Variants in SEMA3E observed in about 807,000 individuals in gnomAD.
The protein encoded by SEMA3E is semaphorin-3E.
Under a neutral mutation model 93.6 loss-of-function variants are expected in SEMA3E, and 49 were observed. The observed-to-expected ratio is 0.52, with a 90% CI of 0.42 to 0.66. The LOEUF is 0.66. Among genes scored for constraint, SEMA3E ranks in the 30% least tolerant of loss-of-function variants. The pLI is 0.00. For synonymous variants in SEMA3E, 363 were observed against 330.7 expected, an observed-to-expected ratio of 1.10 and a Z score of -1.06; for missense variants, 906 against 964.8, an observed-to-expected ratio of 0.94 and a Z score of 0.81.
At chr7:83,388,329 A>AT (rs1562757153) in intron 14 of SEMA3E, among the ~76,000 whole-genome samples, 51 of 146,978 alleles carry the variant, frequency 3.5e-4, no homozygotes, top group Non-Finnish European at 5.4e-4. Flanking sequence ...AAATAAAAAA[A>AT]AATATATATA....
intron 1 of SEMA3E, among the ~76,000 whole-genome samples, chr7:83,575,533 G>GT (rs1792381541): frequency 2.0e-5 from 3 of 151,888 alleles, no homozygotes; most frequent in Admixed American, 6.5e-5. Context: ...TAACATTTAC[G>GT]TTTTCTACCC....
chr7:83,609,552 G>A (rs1377985763), intron 1 of SEMA3E, among the ~76,000 whole-genome samples: 1 of 151,792 alleles, frequency 6.6e-6, no homozygotes, highest in Non-Finnish European at 1.5e-5. Context: ...TGTACTTTGT[G>A]TAGCTAACAA....
At chr7:83,530,220 C>A (rs1033014873) in intron 1 of SEMA3E, among the ~76,000 whole-genome samples, 1 of 151,970 alleles carries the variant, frequency 6.6e-6, no homozygotes, top group East Asian at 1.9e-4. Flanking sequence ...TTACAATAAC[C>A]CTGTGAGTAG....
At chr7:83,373,386 TTATACA>T (rs1794776059) in intron 16 of SEMA3E, among the ~76,000 whole-genome samples, 1 of 152,170 alleles carries the variant, frequency 6.6e-6, no homozygotes, top group Admixed American at 6.6e-5. Flanking sequence ...TTGACCAATT[TTATACA>T]TATACACACA....
At chr7:83,470,194 TAAG>T (rs948812704) in intron 2 of SEMA3E, among the ~76,000 whole-genome samples, 7 of 152,226 alleles carry the variant, frequency 4.6e-5, no homozygotes, top group Admixed American at 3.3e-4. Context: ...TATTCTCTGA[TAAG>T]AAGAATATAT....
At chr7:83,375,515 T>C (rs1046053898) in intron 16 of SEMA3E, among the ~76,000 whole-genome samples, 1 of 152,076 alleles carries the variant, frequency 6.6e-6, no homozygotes, top group Non-Finnish European at 1.5e-5. Flanking sequence ...AGTTCTATAC[T>C]GGGATATCTT....
intron 4 of SEMA3E, among the ~76,000 whole-genome samples, chr7:83,466,118 T>C (rs1789750012): frequency 6.6e-6 from 1 of 152,210 alleles, no homozygotes; most frequent in South Asian, 2.1e-4. Context: ...ATGTAAATTA[T>C]ATATGTACAC....
intron 4 of SEMA3E, among the ~76,000 whole-genome samples, chr7:83,444,950 C>A (rs148997669): frequency 1.3e-5 from 2 of 152,116 alleles, no homozygotes; most frequent in Non-Finnish European, 2.9e-5. Flanking sequence ...GGATTACAGG[C>A]GTGAGCCACC....
rs1212396243 is a variant in SEMA3E at position 83,486,733 on chromosome 7, T to A, written c.276+3381A>T. 2.6e-5 allele frequency among the ~76,000 whole-genome samples: 4 copies of A among 152,240 alleles called. No homozygotes were observed. In the East Asian group the frequency reaches 7.7e-4, roughly 29 times the overall value. ...ATGTTACATCAGAGCTAATGAAGCA[T>A]AACAAGCCTCAGGACTCCTTCCTGG... On this transcript the variant is annotated intron_variant, in intron 2 of 16. Coordinates refer to ENST00000643230, the MANE Select transcript of SEMA3E (RefSeq NM_012431.3).
At chr7:83,577,709 G>A (rs1184404132) in intron 1 of SEMA3E, among the ~76,000 whole-genome samples, 1 of 152,110 alleles carries the variant, frequency 6.6e-6, no homozygotes, top group African/African-American at 2.4e-5. Context: ...ATAGATGTTA[G>A]AGGTTTTAAA....
At chr7:83,426,573 C>T (rs969115486) in intron 4 of SEMA3E, among the ~76,000 whole-genome samples, 3 of 152,070 alleles carry the variant, frequency 2.0e-5, no homozygotes, top group Non-Finnish European at 2.9e-5. Flanking sequence ...CCTTTGGGGA[C>T]TATTCTCAGT....
At chr7:83,391,486 A>T (rs964781160) in intron 14 of SEMA3E, among the ~76,000 whole-genome samples, 7 of 152,326 alleles carry the variant, frequency 4.6e-5, no homozygotes, top group East Asian at 1.9e-4. Context: ...GTTTTCAAAC[A>T]TCAACAAGCA....
intron 1 of SEMA3E, among the ~76,000 whole-genome samples, chr7:83,609,783 A>C (rs1379194119): frequency 1.3e-5 from 2 of 151,982 alleles, no homozygotes; most frequent in African/African-American, 4.8e-5. Context: ...ATCTGAAACA[A>C]ATATCCTAAG....
At chr7:83,467,033 G>T (rs1487458311) in intron 3 of SEMA3E, among the ~76,000 whole-genome samples, 3 of 144,470 alleles carry the variant, frequency 2.1e-5, no homozygotes. Context: ...AAAAAGCATA[G>T]TTATTCATAT....
At chr7:83,569,620 CAAT>C (rs1418141285) in intron 1 of SEMA3E, among the ~76,000 whole-genome samples, 3 of 152,058 alleles carry the variant, frequency 2.0e-5, no homozygotes, top group Admixed American at 6.6e-5. Flanking sequence ...TAACCAACAA[CAAT>C]AAGAAATAAC....
At chr7:83,527,664 T>C (rs12707592) in intron 1 of SEMA3E, among the ~76,000 whole-genome samples, 80,161 of 151,918 alleles carry the variant, frequency 0.53, 23,504 homozygotes, top group Middle Eastern at 0.69. Flanking sequence ...ATCCTTGAGA[T>C]TGGCAATTTT....
At chr7:83,417,228 G>A (rs1484454970) in intron 5 of SEMA3E, among the ~76,000 whole-genome samples, 1 of 151,940 alleles carries the variant, frequency 6.6e-6, no homozygotes, top group Non-Finnish European at 1.5e-5. Flanking sequence ...AACATGAGGT[G>A]TTTGCTCTAT....
intron 1 of SEMA3E, among the ~76,000 whole-genome samples, chr7:83,607,861 T>G (rs375876452): frequency 1.3e-5 from 2 of 152,194 alleles, no homozygotes; most frequent in East Asian, 3.9e-4. Context: ...CTGAGAGGAA[T>G]TAGAAACTAT....
At chr7:83,604,695 C>T (rs1793070206) in intron 1 of SEMA3E, among the ~76,000 whole-genome samples, 1 of 151,768 alleles carries the variant, frequency 6.6e-6, no homozygotes, top group Non-Finnish European at 1.5e-5. Flanking sequence ...TATACGTGTG[C>T]CATGGTGGTT....
Sources: allele counts gnomAD v4.1 joint callset (sites outside exome capture counted in the v4.1 genomes callset), GRCh38; gene constraint gnomAD v4.1.1; transcripts MANE v1.5; gene names NCBI Gene and HGNC (gene_info 2026-07-23, HGNC 2026-07-21).